PPP2R2A: variants seen among roughly 807,000 people sequenced by gnomAD.
PPP2R2A encodes the protein serine/threonine-protein phosphatase 2A 55 kDa regulatory subunit B alpha isoform.
PPP2R2A carries 9 observed loss-of-function variants against 53.2 expected under a neutral mutation model. That is an observed-to-expected ratio of 0.17 (90% CI 0.10 to 0.30). PPP2R2A has a LOEUF of 0.30. Ranked by LOEUF, PPP2R2A falls within the 10% of genes least tolerant of loss-of-function variation. The pLI, the probability that PPP2R2A is intolerant of heterozygous loss-of-function variation, is 1.00. For synonymous variants in PPP2R2A, 169 were observed against 174.2 expected (o/e 0.97, Z 0.23); for missense variants, 235 against 534.6 (o/e 0.44, Z 5.53).
At chr8:26,297,958 TATAGGTTTA>T (rs1185365419) in intron 2 of PPP2R2A, among the ~76,000 whole-genome samples, 2 of 152,188 alleles carry the variant, frequency 1.3e-5, no homozygotes, top group Admixed American at 1.3e-4. Context: ...AAAATTAAGC[TATAGGTTTA>T]GAGGCACATA....
intron 2 of PPP2R2A, among the ~76,000 whole-genome samples, chr8:26,320,474 T>A (rs1802779410): frequency 1.3e-5 from 2 of 152,166 alleles, no homozygotes; most frequent in Non-Finnish European, 2.9e-5. Flanking sequence ...GTGGGTATTT[T>A]GGTTTGTGAG....
intron 2 of PPP2R2A, among the ~76,000 whole-genome samples, chr8:26,313,974 A>T (rs890170996): frequency 2.0e-5 from 3 of 152,222 alleles, no homozygotes; most frequent in Admixed American, 2.0e-4. Context: ...GACATTGTAC[A>T]TACGGGCTGT....
intron 1 of PPP2R2A, chr8:26,292,056 G>T: frequency 8.0e-7 from 1 of 1,250,746 alleles, no homozygotes; most frequent in Non-Finnish European, 1.0e-6. Flanking sequence ...TGGCGGGGGT[G>T]GGGGTGGGGT....
chr8:26,321,441 C>T lies in PPP2R2A; in HGVS notation c.83-17449C>T, dbSNP rs1802835263. ...TATTTATGTCTCTGTGTAACCTTGT[C>T]CCTTTGAGTGTTTCTGGACCTCTCG... On this transcript the variant is annotated intron_variant, in intron 2 of 9. Coordinates refer to ENST00000380737, the MANE Select transcript of PPP2R2A (RefSeq NM_002717.4). This position sits in a 1 kb window ranked among gnomAD's most constrained non-coding sequence, Gnocchi z 4.1. Among the ~76,000 whole-genome samples, 1 of 152,184 alleles carries T rather than the reference C, an allele frequency of 6.6e-6. No individual in the cohort carries two copies. Among genetic ancestry groups the T allele is most frequent in the African/African-American group, 2.4e-5 (1 of 41,422 alleles).
At position 26,354,724 on chromosome 8, in the gene PPP2R2A, A is replaced by G. The variant is rs918109876; in HGVS notation, c.346+91A>G. 1 of 1,199,366 alleles carries G rather than the reference A, an allele frequency of 8.3e-7. No homozygotes were observed. Among genetic ancestry groups the G allele is most frequent in the African/African-American group, 1.6e-5 (1 of 64,206 alleles). The allele number at this position is 1,199,366 out of a possible 1,614,324, so 74.3% of individuals were successfully genotyped here. ...AGGAGAGGAATCATTTAACAGAGATACTTGTAAAAAGGACTTTTGTTTTTC... is the reference window on the plus strand; with the variant it reads ...AGGAGAGGAATCATTTAACAGAGATGCTTGTAAAAAGGACTTTTGTTTTTC... On this transcript the variant is annotated intron_variant, in intron 4 of 9. Coordinates refer to ENST00000380737, the MANE Select transcript of PPP2R2A (RefSeq NM_002717.4). This position sits in a 1 kb window ranked among gnomAD's most constrained non-coding sequence, Gnocchi z 4.6.
intron 2 of PPP2R2A, among the ~76,000 whole-genome samples, chr8:26,336,112 C>G (rs566588269): frequency 3.4e-4 from 52 of 152,042 alleles, no homozygotes; most frequent in Non-Finnish European, 6.2e-4. Context: ...CTTGTTCTGT[C>G]TTCTCATAAT....
chr8:26,292,928 T>G (rs994488849), intron 1 of PPP2R2A, among the ~76,000 whole-genome samples: 1 of 152,272 alleles, frequency 6.6e-6, no homozygotes, highest in Non-Finnish European at 1.5e-5. Context: ...ACATGTCGGA[T>G]TGACTTACGG....
chr8:26,364,403 T>C (rs1449733493), intron 8 of PPP2R2A, among the ~76,000 whole-genome samples: 1 of 152,186 alleles, frequency 6.6e-6, no homozygotes, highest in East Asian at 1.9e-4. Context: ...GAGTTGCCTA[T>C]CCGTTGTTGG....
chr8:26,309,516 G>A (rs1035490180), intron 2 of PPP2R2A, among the ~76,000 whole-genome samples: 5 of 152,204 alleles, frequency 3.3e-5, no homozygotes, highest in Non-Finnish European at 7.4e-5. Flanking sequence ...AAAAGAGCCT[G>A]TTCTTTGAAG....
intron 1 of PPP2R2A, chr8:26,292,065 G>T: frequency 3.4e-5 from 41 of 1,195,694 alleles, no homozygotes; most frequent in Non-Finnish European, 4.3e-5. Flanking sequence ...TGGGGGTGGG[G>T]TGTGCCGGCG....
chr8:26,328,354 A>G (rs914320955), intron 2 of PPP2R2A, among the ~76,000 whole-genome samples: 1 of 152,240 alleles, frequency 6.6e-6, no homozygotes. Flanking sequence ...TTATGGTAAT[A>G]TTAATATGTA....
Position 26,360,049 on chromosome 8 carries a change from T to G in PPP2R2A, c.347-120T>G, listed in dbSNP as rs1194449947. The G allele has an allele frequency of 3.8e-6, 2 of 531,038 alleles. No homozygotes were observed. The highest frequency in any genetic ancestry group is 2.4e-5 in the South Asian group (1 of 41,790). 32.9% of individuals were successfully genotyped at this position (531,038 alleles called of 1,614,324 possible). ...AGGAAATTTTTTAGTAAGTTCAGATTAGGGTTTTTTTTTTTTTCGTGGAAT... is the reference window on the plus strand; with the variant it reads ...AGGAAATTTTTTAGTAAGTTCAGATGAGGGTTTTTTTTTTTTTCGTGGAAT... On this transcript the variant is annotated intron_variant, in intron 4 of 9. Coordinates refer to ENST00000380737, the MANE Select transcript of PPP2R2A (RefSeq NM_002717.4). This position sits in a 1 kb window ranked among gnomAD's most constrained non-coding sequence, Gnocchi z 4.5.
chr8:26,347,715 A>G (rs903067150), intron 3 of PPP2R2A, among the ~76,000 whole-genome samples: 22 of 152,006 alleles, frequency 1.4e-4, no homozygotes, highest in African/African-American at 5.3e-4. Context: ...CTCTCCCACT[A>G]TATTATTGTT....
In PPP2R2A at chr8:26,362,473, C is replaced by T. The variant is rs1377226272; in HGVS notation, c.638-211C>T. Among the ~76,000 whole-genome samples, 2 of 151,918 alleles carry T rather than the reference C, an allele frequency of 1.3e-5. No homozygotes were observed. Among genetic ancestry groups the T allele is most frequent in the African/African-American group, 2.4e-5 (1 of 41,356 alleles). On this transcript the variant is annotated intron_variant, in intron 6 of 9. Coordinates refer to ENST00000380737, the MANE Select transcript of PPP2R2A (RefSeq NM_002717.4). The surrounding 1 kb of genome is among the most constrained non-coding windows in gnomAD (Gnocchi z 4.4). ...TGAGCCGAGATTGCGCCACTGCACT[C>T]CAGCCTGGGTGACAGAGTGAAACTC...
At chr8:26,291,879 CCCT>C in intron 1 of PPP2R2A, 53 bp downstream of exon 1, 2 of 1,602,486 alleles carry the variant, frequency 1.2e-6, no homozygotes, top group South Asian at 2.2e-5. Flanking sequence ...CCTTATTCCT[CCCT>C]CCATCACCCC....
intron 2 of PPP2R2A, among the ~76,000 whole-genome samples, chr8:26,334,005 T>G (rs1301627860): frequency 7.1e-6 from 1 of 141,722 alleles, no homozygotes; most frequent in Non-Finnish European, 1.5e-5. Context: ...GAACATTACA[T>G]TACTTTTTTT....
intron 2 of PPP2R2A, among the ~76,000 whole-genome samples, chr8:26,324,314 C>T (rs1802982083): frequency 6.6e-6 from 1 of 152,182 alleles, no homozygotes; most frequent in Admixed American, 6.5e-5. Flanking sequence ...CTGCCTGATA[C>T]ATTTTATATT....
intron 6 of PPP2R2A, among the ~76,000 whole-genome samples, chr8:26,361,568 T>TG (rs1585407871): frequency 6.6e-6 from 1 of 152,138 alleles, no homozygotes; most frequent in African/African-American, 2.4e-5. Context: ...ATTGTGCCTC[T>TG]GCACTCCAGC....
At chr8:26,318,139 C>T (rs1455932145) in intron 2 of PPP2R2A, among the ~76,000 whole-genome samples, 1 of 152,116 alleles carries the variant, frequency 6.6e-6, no homozygotes, top group Non-Finnish European at 1.5e-5. Flanking sequence ...GGGAAATGGC[C>T]ACTCTTAGGG....
Sources: allele counts gnomAD v4.1 joint callset (sites outside exome capture counted in the v4.1 genomes callset), GRCh38; gene constraint gnomAD v4.1.1; non-coding constraint Gnocchi (gnomAD v3.1); transcripts MANE v1.5; gene names NCBI Gene and HGNC (gene_info 2026-07-23, HGNC 2026-07-21).